SPO11: variants seen among roughly 807,000 people sequenced by gnomAD.
The protein encoded by SPO11 is SPO11 initiator of meiotic double strand breaks.
Under a neutral mutation model 51.6 loss-of-function variants are expected in SPO11, and 49 were observed. The ratio of observed to expected loss-of-function variants is 0.95; its 90% CI spans 0.75 to 1.20. The LOEUF is 1.20. Among genes scored for constraint, SPO11 ranks in the 50% most tolerant of loss-of-function variants. The pLI, the probability that SPO11 is intolerant of heterozygous loss-of-function variation, is 0.00. For missense variants in SPO11, 431 were observed against 473.4 expected, an observed-to-expected ratio of 0.91 and a Z score of 0.83; for synonymous variants, 176 against 158.2, an observed-to-expected ratio of 1.11 and a Z score of -0.84.
intron 4 of SPO11, 55 bp from the exon 5 acceptor site, chr20:57,333,932 G>C: frequency 9.1e-7 from 1 of 1,094,618 alleles, no homozygotes. Context: ...TGTAATACTT[G>C]TCATATTCAA....
chr20:57,336,532 C>T (rs1037981590), intron 8 of SPO11, among the ~76,000 whole-genome samples: 4 of 152,194 alleles, frequency 2.6e-5, no homozygotes, highest in African/African-American at 9.6e-5. Flanking sequence ...GATACTTCTA[C>T]TCCAAATCTG....
rs1261818373 is a variant in SPO11 at position 57,331,852 on chromosome 20, A to G, written c.151A>G (p.Ile51Val). 1.9e-5 allele frequency: 30 copies of G among 1,594,476 alleles called. No individual in the cohort carries two copies. Among genetic ancestry groups the G allele is most frequent in the Non-Finnish European group, 2.4e-5 (28 of 1,170,420 alleles). The stretch of plus-strand genomic sequence containing the variant: ...TTTCAGTTCTGAGGTTCTTGCATCT[A>G]TAGAAAATATTATCCAAGACATAAT... The part of the protein sequence containing the change: ...LASSSEVLAS[I>V]ENIIQDIITS... Residue 51 changes from isoleucine (I) to valine (V), a missense_variant, in exon 2 of 13, where the codon ATA becomes GTA. Transcript: ENST00000371263.
intron 1 of SPO11, among the ~76,000 whole-genome samples, chr20:57,331,419 G>T (rs1360231067): frequency 6.6e-6 from 1 of 152,112 alleles, no homozygotes; most frequent in Non-Finnish European, 1.5e-5. Flanking sequence ...AGCCAATATT[G>T]TATCACTTTT....
intron 11 of SPO11, 59 bp from the exon 12 acceptor site, chr20:57,342,670 A>C: frequency 1.9e-6 from 2 of 1,032,764 alleles, no homozygotes; most frequent in Non-Finnish European, 3.0e-6. Flanking sequence ...GGCAAAATAC[A>C]GGACATTCAA....
At chr20:57,336,669 G>A (rs2066516892) in intron 8 of SPO11, among the ~76,000 whole-genome samples, 1 of 152,122 alleles carries the variant, frequency 6.6e-6, no homozygotes, top group South Asian at 2.1e-4. Context: ...GGACTCGAGG[G>A]CCATATTAGG....
intron 11 of SPO11, among the ~76,000 whole-genome samples, chr20:57,341,746 T>C (rs1261531870): frequency 6.6e-6 from 1 of 152,254 alleles, no homozygotes; most frequent in Non-Finnish European, 1.5e-5. Context: ...GGTGATCTGT[T>C]TGTATAAAAA....
chr20:57,332,885 A>C lies in SPO11; in HGVS notation c.246-303A>C, dbSNP rs982909171. Among the ~76,000 whole-genome samples the C allele has an allele frequency of 2.6e-5, 4 of 152,318 alleles. No homozygotes were observed. The East Asian group carries it at 5.8e-4, about 22-fold the overall frequency. On this transcript the variant is annotated intron_variant, in intron 2 of 12. Transcript: ENST00000371263. ...TTTGAAAACATTTTACATACACTAAAAATGTCTTCCCAGTAAAAAAGTATG... is the reference window on the plus strand; with the variant it reads ...TTTGAAAACATTTTACATACACTAACAATGTCTTCCCAGTAAAAAAGTATG...
At position 57,333,978 on chromosome 20, in the gene SPO11, T is replaced by A. The variant is rs772393532; in HGVS notation, c.402-9T>A. 1 of 1,475,684 alleles carries A rather than the reference T, an allele frequency of 6.8e-7. No individual in the cohort carries two copies. Among genetic ancestry groups the A allele is most frequent in the South Asian group, 1.3e-5 (1 of 77,372 alleles). The allele number at this position is 1,475,684 out of a possible 1,614,324, so 91.4% of individuals were successfully genotyped here. A position where few individuals can be genotyped will look rare whatever the true frequency, so the allele number is the denominator to read the frequency against. On this transcript the variant is annotated splice_polypyrimidine_tract_variant and intron_variant, in intron 4 of 12. Transcript: ENST00000371263. Reference sequence around the variant, plus strand: ...GTTAATTAAAAATATGTATTTTAAATTTTCATAGGGACATATATTACACTG... The same window carrying A: ...GTTAATTAAAAATATGTATTTTAAAATTTCATAGGGACATATATTACACTG...
Position 57,333,336 on chromosome 20 carries a change from AATTTT to A in SPO11, c.334+65_334+69del, listed in dbSNP as rs1335788447. 2.4e-6 allele frequency: 3 copies of A among 1,227,550 alleles called. No homozygotes were observed. In the African/African-American group the frequency reaches 4.6e-5, roughly 19 times the overall value. 76.0% of individuals were successfully genotyped at this position (1,227,550 alleles called of 1,614,324 possible). ...GATAAATAAATTTTGTTATCTTCTC[AATTTT>A]ATTTGTTGCTAGTTAAATAATTTTA... On this transcript the variant is annotated intron_variant, in intron 3 of 12. Transcript: ENST00000371263.
rs1458165413 is a variant in SPO11 at position 57,333,723 on chromosome 20, T to A, written c.371T>A (p.Leu124Ter). 6.6e-7 allele frequency: 1 copy of A among 1,512,516 alleles called. No homozygotes were observed. The highest frequency in any genetic ancestry group is 9.1e-7 in the Non-Finnish European group (1 of 1,093,912). 93.7% of individuals were successfully genotyped at this position (1,512,516 alleles called of 1,614,324 possible). ...ILKILSMIYK[L>*]VQSNTYATKR... The stretch of plus-strand genomic sequence containing the variant: ...AAAATATTGTCCATGATTTATAAAT[T>A]AGTACAGAGCAACACTTATGCAACC... Residue 124 changes from leucine (L) to a stop codon, truncating the protein, a stop_gained, in exon 4 of 13, where the codon TTA (leucine) becomes TAA (stop). Transcript: ENST00000371263. LOFTEE classifies it high-confidence loss of function.
intron 6 of SPO11, 122 bp downstream of exon 6, chr20:57,334,958 A>C (rs1367726852): frequency 2.9e-5 from 22 of 747,350 alleles, no homozygotes; most frequent in Admixed American, 1.2e-4. Flanking sequence ...ATAAAACTGA[A>C]AGATGGATAG....
chr20:57,343,476 ACTT>A lies in SPO11; in HGVS notation c.*19_*21del, dbSNP rs1422564954. 6.3e-7 allele frequency: 1 copy of A among 1,581,462 alleles called. No individual in the cohort carries two copies. Among genetic ancestry groups the A allele is most frequent in the Non-Finnish European group, 8.6e-7 (1 of 1,169,372 alleles). On this transcript the variant is annotated 3_prime_UTR_variant, in exon 13 of 13. Coordinates refer to ENST00000371263, the MANE Select transcript of SPO11 (RefSeq NM_012444.3). ...ATGGATATAAAAATAAATCAGAAGAACTTCTGATTGCCAGAGGCTTTTCATTAG... is the reference window on the plus strand; with the variant it reads ...ATGGATATAAAAATAAATCAGAAGAACTGATTGCCAGAGGCTTTTCATTAG...
At chr20:57,333,663 T>A (rs1440611473) in intron 3 of SPO11, 24 bp from the exon 4 acceptor site, 2 of 1,247,336 alleles carry the variant, frequency 1.6e-6, no homozygotes, top group South Asian at 2.5e-5. Flanking sequence ...ATGAGTAACT[T>A]GTTTGTTGAA....
At chr20:57,338,460 CTTTTT>C in intron 9 of SPO11, 85 bp downstream of exon 9, 1 of 902,320 alleles carries the variant, frequency 1.1e-6, no homozygotes, top group Non-Finnish European at 1.6e-6. Context: ...TTTTTTTTTT[CTTTTT>C]GAGATTGAGT....
At chr20:57,342,870 C>T (rs1281043293) in intron 12 of SPO11, 30 bp downstream of exon 12, 3 of 1,486,780 alleles carry the variant, frequency 2.0e-6, no homozygotes, top group African/African-American at 1.4e-5. Flanking sequence ...TCAAGTGTTG[C>T]ATGTTTAATT....
Position 57,334,037 on chromosome 20 carries a change from A to G in SPO11, c.452A>G (p.Asp151Gly). 6.3e-7 allele frequency: 1 copy of G among 1,592,470 alleles called. No homozygotes were observed. The highest frequency in any genetic ancestry group is 8.6e-7 in the Non-Finnish European group (1 of 1,167,574). Reference sequence around the variant, plus strand: ...CTCTTTGGTAACCAGACTGTCGTCGACAATATTATCAATGACATTTCTTGC... The same window carrying G: ...CTCTTTGGTAACCAGACTGTCGTCGGCAATATTATCAATGACATTTCTTGC... The part of the protein sequence containing the change: ...SQLFGNQTVV[D>G]NIINDISCML... The change falls in exon 5 of 13, where the codon GAC becomes GGC. Residue 151 changes from aspartate to glycine, a missense_variant. Asp to Gly is a moderately conservative substitution (Grantham distance 94, BLOSUM62 -1). Coordinates refer to ENST00000371263, the MANE Select transcript of SPO11 (RefSeq NM_012444.3).
At chr20:57,338,927 G>C in intron 9 of SPO11, 62 bp from the exon 10 acceptor site, 3 of 1,030,132 alleles carry the variant, frequency 2.9e-6, no homozygotes, top group Non-Finnish European at 4.3e-6. Flanking sequence ...TAAAATTTGA[G>C]AGTGCAAATT....
intron 8 of SPO11, chr20:57,337,603 G>A (rs2066527824): frequency 2.0e-6 from 1 of 506,710 alleles, no homozygotes; most frequent in South Asian, 1.9e-5. Flanking sequence ...TAACACTTCA[G>A]TGAGCATCTT....
rs1195317885 is a variant in SPO11 at position 57,330,005 on chromosome 20, G to A, written c.131+7G>A. ...GAAGCCGCCTGGCCTCCAGGTACAGGAGCTGGTGCCGAGGCGCGACGCAGC... is the reference window on the plus strand; with the variant it reads ...GAAGCCGCCTGGCCTCCAGGTACAGAAGCTGGTGCCGAGGCGCGACGCAGC... On this transcript the variant is annotated splice_region_variant and intron_variant, in intron 1 of 12. Coordinates refer to ENST00000371263, the MANE Select transcript of SPO11 (RefSeq NM_012444.3). The A allele has an allele frequency of 1.3e-6, 2 of 1,585,612 alleles. No homozygotes were observed. Among genetic ancestry groups the A allele is most frequent in the African/African-American group, 2.7e-5 (2 of 74,420 alleles).
Sources: gnomAD v4.1 joint callset for allele counts (sites outside exome capture counted in the v4.1 genomes callset) on GRCh38, gnomAD v4.1.1 for gene constraint, MANE v1.5 for transcripts, NCBI Gene and HGNC (gene_info 2026-07-23, HGNC 2026-07-21) for gene names.